Variants in MTM1 observed in about 807,000 individuals in gnomAD.
MTM1 encodes myotubularin.
In MTM1, 9 loss-of-function variants were observed where a neutral mutation model predicts 52.1. The observed-to-expected ratio is 0.17, with a 90% CI of 0.10 to 0.30. The LOEUF is 0.30. Ranked by LOEUF, MTM1 falls within the 10% of genes least tolerant of loss-of-function variation. MTM1 has a pLI of 1.00. For missense variants in MTM1, 277 were observed against 470.7 expected (o/e 0.59, Z 3.81); for synonymous variants, 136 against 163.8 (o/e 0.83, Z 1.29).
chrX:150,647,114 C>G, intron 9 of MTM1, among the ~76,000 whole-genome samples: 1 of 107,560 alleles, frequency 9.3e-6, no homozygotes, highest in Non-Finnish European at 1.9e-5. Context: ...GAAATTAAAT[C>G]TAACTCTAAA....
At chrX:150,647,221 A>G (rs3039247) in intron 9 of MTM1, among the ~76,000 whole-genome samples, 91 of 101,538 alleles carry the variant, frequency 9.0e-4, no homozygotes, top group African/African-American at 3.4e-3. Flanking sequence ...ATATATATAT[A>G]GCAATATTTT....
chrX:150,643,658 C>T (rs1301403290), intron 8 of MTM1, among the ~76,000 whole-genome samples: 1 of 111,861 alleles, frequency 8.9e-6, no homozygotes, highest in Non-Finnish European at 1.9e-5. Flanking sequence ...TCCCATGTTG[C>T]TAAATATGAT....
intron 1 of MTM1, among the ~76,000 whole-genome samples, chrX:150,579,017 C>CTCTATCTA (rs59889586): frequency 0.066 from 6,462 of 98,142 alleles, 197 homozygotes; most frequent in East Asian, 0.11. Context: ...ATCTATATAT[C>CTCTATCTA]TCTATCTATC....
intron 12 of MTM1, among the ~76,000 whole-genome samples, chrX:150,660,067 G>A (rs2040193868): frequency 8.9e-6 from 1 of 112,130 alleles, no homozygotes; most frequent in African/African-American, 3.2e-5. Flanking sequence ...CTTATATATA[G>A]CTGTGTCTGC....
chrX:150,670,311 C>T (rs1557415101), intron 14 of MTM1, among the ~76,000 whole-genome samples: 1 of 112,231 alleles, frequency 8.9e-6, no homozygotes, highest in Non-Finnish European at 1.9e-5. Context: ...AAAGTAGTCA[C>T]CATTGTAGCA....
In MTM1 at chrX:150,596,490, G is replaced by C; in HGVS notation, c.64-8G>C. 1 of 1,203,546 alleles carries C rather than the reference G, an allele frequency of 8.3e-7. No individual in the cohort carries two copies. The highest frequency in any genetic ancestry group is 1.1e-6 in the Non-Finnish European group (1 of 889,545). On this transcript the variant is annotated splice_region_variant and splice_polypyrimidine_tract_variant and intron_variant, in intron 2 of 14. Coordinates refer to ENST00000370396, the MANE Select transcript of MTM1 (RefSeq NM_000252.3). ...TCATTACTTCTGATGCATCTGTTTT[G>C]TTTCTAGACGTCTCGAGATGGAGTC... is the stretch of plus-strand genomic sequence containing the variant.
intron 4 of MTM1, among the ~76,000 whole-genome samples, chrX:150,606,787 C>T (rs1452562141): frequency 1.9e-5 from 2 of 108,088 alleles, no homozygotes; most frequent in Non-Finnish European, 3.9e-5. Flanking sequence ...TGAATCTGCT[C>T]AACTTCCTTC....
At position 150,621,275 on chromosome X, in the gene MTM1, C is replaced by T. The variant is rs782306909; in HGVS notation, c.444+2136C>T. On this transcript the variant is annotated intron_variant, in intron 6 of 14. Transcript: ENST00000370396. ...AACTTGAAGTCAGCTTTTCAGTTCC[C>T]CCCCTGCTATTCCTCCCATAGGCAC... 3.6e-5 allele frequency among the ~76,000 whole-genome samples: 4 copies of T among 110,208 alleles called. No homozygotes were observed. In the East Asian group the frequency reaches 8.5e-4, roughly 24 times the overall value.
upstream of MTM1, among the ~76,000 whole-genome samples, chrX:150,567,734 A>C (rs2148389253): frequency 9.0e-6 from 1 of 111,095 alleles, no homozygotes; most frequent in African/African-American, 3.3e-5. Context: ...TTGTATTTTT[A>C]GTAGAGACGA....
intron 10 of MTM1, among the ~76,000 whole-genome samples, chrX:150,652,656 TATACACACACACACACACAC>T (rs1304801320): frequency 4.5e-5 from 2 of 44,160 alleles, no homozygotes; most frequent in African/African-American, 1.7e-4. Context: ...TGTATATATA[TATACACACACACACACACAC>T]ACACACACAC....
intron 9 of MTM1, among the ~76,000 whole-genome samples, chrX:150,648,349 A>C (rs1336770026): frequency 1.8e-5 from 2 of 112,019 alleles, no homozygotes; most frequent in Non-Finnish European, 3.8e-5. Flanking sequence ...AAACAAAAAA[A>C]AACCTAAGTT....
At chrX:150,619,532 C>T (rs1197611707) in intron 6 of MTM1, among the ~76,000 whole-genome samples, 1 of 112,040 alleles carries the variant, frequency 8.9e-6, no homozygotes, top group Non-Finnish European at 1.9e-5. Flanking sequence ...ATTGTCAGGA[C>T]CAATTTATTA....
chrX:150,589,384 T>A (rs1222633452), intron 1 of MTM1, among the ~76,000 whole-genome samples: 1 of 111,914 alleles, frequency 8.9e-6, no homozygotes, highest in Non-Finnish European at 1.9e-5. Flanking sequence ...TACCTCTGGT[T>A]AGAATGCTGT....
Position 150,645,801 on chromosome X carries a change from A to G in MTM1, c.797A>G (p.Glu266Gly). ...DDEKYLDVIRETNKQISKLTI... is the reference protein window; with the variant it reads ...DDEKYLDVIRGTNKQISKLTI... ...GAGAAATATCTCGATGTTATCAGGG[A>G]GACTAATAAACAAATTTCTAAACTC... The change falls in exon 9 of 15, where the codon GAG (glutamate) becomes GGG (glycine). Residue 266 changes from glutamate (E) to glycine (G), a missense_variant. By Grantham distance (98) the Glu-to-Gly change is moderately conservative. Around this residue, in one of 4 missense-constraint regions of MTM1, gnomAD observed 164 missense variants for 283.3 expected, o/e 0.58. Transcript: ENST00000370396. 8.3e-7 allele frequency: 1 copy of G among 1,210,474 alleles called. No individual in the cohort carries two copies. Among genetic ancestry groups the G allele is most frequent in the Non-Finnish European group, 1.1e-6 (1 of 894,437 alleles).
intron 7 of MTM1, among the ~76,000 whole-genome samples, chrX:150,640,990 G>A (rs1242674749): frequency 8.9e-6 from 1 of 112,010 alleles, no homozygotes; most frequent in Non-Finnish European, 1.9e-5. Flanking sequence ...TAAAGAATAT[G>A]TGGACACAAA....
chrX:150,667,791 G>A lies in MTM1; in HGVS notation c.1645-3637G>A, dbSNP rs150440856. Among the ~76,000 whole-genome samples, 965 of 112,065 alleles carry A rather than the reference G, an allele frequency of 8.6e-3. 10 individuals carry two copies. Among genetic ancestry groups the A allele is most frequent in the African/African-American group, 0.029 (898 of 30,837 alleles). On this transcript the variant is annotated intron_variant, in intron 14 of 14. Transcript: ENST00000370396. The stretch of plus-strand genomic sequence containing the variant: ...CAGAGCACTAATGAAAGCAGCAATC[G>A]CAGTAGAAATGTGGGCACGGTTCCA...
intron 2 of MTM1, 121 bp downstream of exon 2, chrX:150,592,798 A>G: frequency 2.0e-6 from 1 of 500,751 alleles, no homozygotes; most frequent in Non-Finnish European, 3.4e-6. Flanking sequence ...ACATATAAAT[A>G]CATTTATACA....
chrX:150,601,013 G>A (rs2039058323), intron 4 of MTM1, among the ~76,000 whole-genome samples: 1 of 111,761 alleles, frequency 8.9e-6, no homozygotes, highest in Non-Finnish European at 1.9e-5. Flanking sequence ...TCAGTATTTG[G>A]GCTATCTGAA....
rs1557415148 is a variant in MTM1, at chrX:150,671,531, C to T, written c.1748C>T (p.Ser583Phe). The change falls in exon 15 of 15, where the codon TCT becomes TTT. Residue 583 changes from serine (S) to phenylalanine (F), a missense_variant. Around this residue, in one of 4 missense-constraint regions of MTM1, gnomAD observed 51 missense variants for 52.2 expected, o/e 0.98. Coordinates refer to ENST00000370396, the MANE Select transcript of MTM1 (RefSeq NM_000252.3). ...CAGCTCGCCAACTCTGCCAAGCTTT[C>T]TGATCCCCCAACTTCACCTTCCAGT... ...ELQLANSAKLSDPPTSPSSPS... is the reference protein window; with the variant it reads ...ELQLANSAKLFDPPTSPSSPS... 1 of 1,211,558 alleles carries T rather than the reference C, an allele frequency of 8.3e-7. No homozygotes were observed. The highest frequency in any genetic ancestry group is 2.2e-5 in the Admixed American group (1 of 45,992).
Sources: gnomAD v4.1 joint callset for allele counts (sites outside exome capture counted in the v4.1 genomes callset) on GRCh38, gnomAD v4.1.1 for gene constraint, gnomAD v4.1.1 regional missense constraint, MANE v1.5 for transcripts, NCBI Gene and HGNC (gene_info 2026-07-23, HGNC 2026-07-21) for gene names.